Variants in NEK11 observed in about 807,000 individuals in gnomAD.
NEK11 encodes the protein NIMA related kinase 11.
In NEK11, 72 loss-of-function variants were observed where a neutral mutation model predicts 80.7. The ratio of observed to expected loss-of-function variants is 0.89; its 90% CI spans 0.74 to 1.08. The LOEUF is 1.08. NEK11 is among the 50% of genes least tolerant of loss of function. The probability of loss-of-function intolerance (pLI) is 0.00; values close to 1 mark genes in which losing one functional copy is unlikely to be tolerated. For missense variants in NEK11, 764 were observed against 763.6 expected, an observed-to-expected ratio of 1.00 and a Z score of -0.01; for synonymous variants, 251 against 260.7, an observed-to-expected ratio of 0.96 and a Z score of 0.36.
intron 15 of NEK11, among the ~76,000 whole-genome samples, chr3:131,231,093 G>T (rs1452810249): frequency 6.6e-6 from 1 of 151,926 alleles, no homozygotes; most frequent in African/African-American, 2.4e-5. Flanking sequence ...CCAGCCTCAC[G>T]TATGTCATTA....
chr3:131,246,461 C>T (rs185994728), intron 16 of NEK11, among the ~76,000 whole-genome samples: 23 of 152,186 alleles, frequency 1.5e-4, no homozygotes, highest in African/African-American at 2.6e-4. Context: ...AATAGTATTC[C>T]GTGGTGTGTG....
chr3:131,218,968 T>C (rs2094930937), intron 14 of NEK11, among the ~76,000 whole-genome samples: 1 of 152,152 alleles, frequency 6.6e-6, no homozygotes, highest in South Asian at 2.1e-4. Flanking sequence ...GTTCAACCAT[T>C]GTGGAAGACA....
intron 3 of NEK11, among the ~76,000 whole-genome samples, chr3:131,064,466 A>G (rs906311532): frequency 6.6e-6 from 1 of 151,186 alleles, no homozygotes; most frequent in African/African-American, 2.4e-5. Context: ...ACACTTATAT[A>G]GGATTAGGGC....
intron 5 of NEK11, among the ~76,000 whole-genome samples, chr3:131,121,641 G>A (rs1242461169): frequency 6.6e-6 from 1 of 152,196 alleles, no homozygotes; most frequent in Non-Finnish European, 1.5e-5. Flanking sequence ...CACCCAGTTT[G>A]AGCTTCCAGG....
chr3:131,113,683 C>T (rs1455573418), intron 5 of NEK11, among the ~76,000 whole-genome samples: 1 of 151,932 alleles, frequency 6.6e-6, no homozygotes, highest in Non-Finnish European at 1.5e-5. Context: ...GAGGCCAAGG[C>T]GGGTGGATCA....
chr3:131,209,437 T>G (rs2094543305), intron 14 of NEK11, among the ~76,000 whole-genome samples: 1 of 152,234 alleles, frequency 6.6e-6, no homozygotes, highest in South Asian at 2.1e-4. Flanking sequence ...TCTAAAATTC[T>G]CTTTTTTTGT....
rs115642646 is a variant in NEK11, at chr3:131,259,145, A to G, written c.1622-14333A>G. Among the ~76,000 whole-genome samples the G allele has an allele frequency of 9.7e-3, 1,475 of 152,208 alleles. 17 individuals are homozygous for G. Among genetic ancestry groups the G allele is most frequent in the African/African-American group, 0.032 (1,320 of 41,526 alleles). On this transcript the variant is annotated intron_variant, in intron 16 of 17. Coordinates refer to ENST00000383366, the MANE Select transcript of NEK11 (RefSeq NM_024800.5). Reference sequence around the variant, plus strand: ...CCAAGTCCTCTAAGCCAGCTCACATACTTGTCCTAATATGCCCCAGCTCCC... The same window carrying G: ...CCAAGTCCTCTAAGCCAGCTCACATGCTTGTCCTAATATGCCCCAGCTCCC...
intron 4 of NEK11, among the ~76,000 whole-genome samples, chr3:131,106,286 C>CT (rs11305818): frequency 7.4e-4 from 104 of 140,074 alleles, no homozygotes; most frequent in Middle Eastern, 7.6e-3. Flanking sequence ...CCTGTTAGGG[C>CT]TTTTTTTTTT....
At position 131,177,884 on chromosome 3, in the gene NEK11, T is replaced by C. The variant is rs910711449; in HGVS notation, c.1399+6997T>C. On this transcript the variant is annotated intron_variant, in intron 14 of 17. Transcript: ENST00000383366. ...AATGACAGGAATATGTTCTGAGAAA[T>C]GTGTCATTAGGCAATTTCATCCTTA... 1.1e-4 allele frequency among the ~76,000 whole-genome samples: 16 copies of C among 152,210 alleles called. No individual in the cohort carries two copies. The East Asian group carries it at 3.1e-3, about 29-fold the overall frequency.
At chr3:131,319,653 G>A (rs2096878050) in intron 17 of NEK11, among the ~76,000 whole-genome samples, 1 of 152,150 alleles carries the variant, frequency 6.6e-6, no homozygotes, top group African/African-American at 2.4e-5. Flanking sequence ...TGACAAGGAA[G>A]TAGAAAAGAA....
chr3:131,251,713 T>C lies in NEK11; in HGVS notation c.1621+8217T>C, dbSNP rs529736778. 7.2e-5 allele frequency among the ~76,000 whole-genome samples: 11 copies of C among 152,212 alleles called. No individual in the cohort carries two copies. The South Asian group carries it at 2.3e-3, about 32-fold the overall frequency. ...TGCTAAAGTGCTTGCTGCCCAAAAC[T>C]GTGCAACACAGGAAGCCCCTTAACC... On this transcript the variant is annotated intron_variant, in intron 16 of 17. Transcript: ENST00000383366.
intron 17 of NEK11, among the ~76,000 whole-genome samples, chr3:131,288,032 G>A (rs902027709): frequency 6.6e-6 from 1 of 152,182 alleles, no homozygotes; most frequent in Non-Finnish European, 1.5e-5. Context: ...CTGGAAAGAT[G>A]TGACCACCAC....
intron 7 of NEK11, among the ~76,000 whole-genome samples, chr3:131,147,487 A>T (rs1188031756): frequency 6.6e-6 from 1 of 152,064 alleles, no homozygotes; most frequent in South Asian, 2.1e-4. Context: ...TATAAGCTAT[A>T]TAACTTTATA....
At chr3:131,042,015 C>T (rs918567223) in intron 3 of NEK11, among the ~76,000 whole-genome samples, 1 of 152,110 alleles carries the variant, frequency 6.6e-6, no homozygotes, top group Admixed American at 6.5e-5. Flanking sequence ...GAGCTCCCTC[C>T]CCTAGCGAAG....
intron 7 of NEK11, among the ~76,000 whole-genome samples, chr3:131,149,118 A>T (rs901816620): frequency 8.6e-5 from 13 of 151,692 alleles, no homozygotes; most frequent in Non-Finnish European, 1.8e-4. Flanking sequence ...CTTTATTTTT[A>T]TTTTTGAGTT....
Position 131,155,110 on chromosome 3 carries a change from A to G in NEK11, c.951A>G (p.Ile317Met). The G allele has an allele frequency of 1.9e-6, 3 of 1,603,888 alleles. No individual in the cohort carries two copies. In the African/African-American group the frequency reaches 4.0e-5, roughly 21 times the overall value. ...ATTGTCAGAAGGAGGCTGCTCATATAATTAATGCCATGTAAGTAATTGCTT... is the reference window on the plus strand; with the variant it reads ...ATTGTCAGAAGGAGGCTGCTCATATGATTAATGCCATGTAAGTAATTGCTT... Reference protein sequence around the residue: ...NLDCQKEAAHIINAMQKRIHL... With the variant: ...NLDCQKEAAHMINAMQKRIHL... The change falls in exon 10 of 18, where the codon ATA (isoleucine) becomes ATG (methionine). Residue 317 changes from isoleucine (I) to methionine (M), a missense_variant. Coordinates refer to ENST00000383366, the MANE Select transcript of NEK11 (RefSeq NM_024800.5).
At chr3:131,165,279 A>G (rs545632468) in intron 11 of NEK11, 147 bp from the exon 12 acceptor site, 2 of 596,876 alleles carry the variant, frequency 3.4e-6, no homozygotes, top group East Asian at 2.9e-5. Context: ...GCTGCACCAC[A>G]TTCACCTTGA....
At chr3:131,190,656 TA>T (rs1430468112) in intron 14 of NEK11, among the ~76,000 whole-genome samples, 1 of 152,164 alleles carries the variant, frequency 6.6e-6, no homozygotes, top group Non-Finnish European at 1.5e-5. Flanking sequence ...CTTTTCTTTA[TA>T]AATTACCCAT....
chr3:131,202,240 G>A (rs149964513), intron 14 of NEK11, among the ~76,000 whole-genome samples: 1,840 of 152,120 alleles, frequency 0.012, 40 homozygotes, highest in African/African-American at 0.04. Context: ...TCATTGGGAC[G>A]GGCTGGACAG....
Sources: allele counts gnomAD v4.1 joint callset (sites outside exome capture counted in the v4.1 genomes callset), GRCh38; gene constraint gnomAD v4.1.1; transcripts MANE v1.5; gene names NCBI Gene and HGNC (gene_info 2026-07-23, HGNC 2026-07-21).